Variants in PLXNA4 observed in about 807,000 individuals in gnomAD.
The protein encoded by PLXNA4 is plexin A4, also known as plexin-A4.
A neutral mutation model predicts 191.8 loss-of-function variants in PLXNA4; 44 were observed. The observed-to-expected ratio is 0.23, with a 90% CI of 0.18 to 0.29. The LOEUF (loss-of-function observed/expected upper bound fraction) is 0.29, where lower values mean the gene tolerates loss of function less well. Among genes scored for constraint, PLXNA4 ranks in the 10% least tolerant of loss-of-function variants. PLXNA4 has a pLI of 1.00. For missense variants in PLXNA4, 1,800 were observed against 2,488.8 expected (o/e 0.72, Z 5.89); for synonymous variants, 1,082 against 1,009.5 (o/e 1.07, Z -1.36).
chr7:132,261,208 G>A (rs1455168009), intron 4 of PLXNA4, among the ~76,000 whole-genome samples: 1 of 152,220 alleles, frequency 6.6e-6, no homozygotes, highest in Non-Finnish European at 1.5e-5. Context: ...ACCAGTACTG[G>A]GGCTGCTGCA....
chr7:132,479,276 A>G (rs1034529233), intron 3 of PLXNA4, among the ~76,000 whole-genome samples: 2 of 106,052 alleles, frequency 1.9e-5, no homozygotes, highest in African/African-American at 1.1e-4. Flanking sequence ...CTCTTTGGGA[A>G]AAAAAAAAAA....
intron 1 of PLXNA4, among the ~76,000 whole-genome samples, chr7:132,567,032 C>T (rs1039727068): frequency 1.3e-5 from 2 of 152,134 alleles, no homozygotes; most frequent in Non-Finnish European, 2.9e-5. Flanking sequence ...TCTATGGAAC[C>T]GTCTTTCCAG....
chr7:132,443,566 C>T (rs2117260076), intron 3 of PLXNA4, among the ~76,000 whole-genome samples: 1 of 152,322 alleles, frequency 6.6e-6, no homozygotes, highest in East Asian at 1.9e-4. Flanking sequence ...CTGGCACGTG[C>T]TCAGTCAATA....
chr7:132,606,202 A>T (rs1217194498), intron 2 of PLXNA4, among the ~76,000 whole-genome samples: 1 of 152,190 alleles, frequency 6.6e-6, no homozygotes, highest in Non-Finnish European at 1.5e-5. Context: ...GACAGCCACC[A>T]CCAGAGGCCA....
intron 28 of PLXNA4, 46 bp from the exon 29 acceptor site, chr7:132,145,334 C>A (rs375371456): frequency 1.6e-5 from 26 of 1,607,370 alleles, no homozygotes; most frequent in Non-Finnish European, 2.0e-5. Flanking sequence ...TCACGTAGTT[C>A]TGAGGATGGC....
chr7:132,513,519 C>T (rs896109251), intron 1 of PLXNA4, among the ~76,000 whole-genome samples: 2 of 152,178 alleles, frequency 1.3e-5, no homozygotes, highest in African/African-American at 4.8e-5. Flanking sequence ...TATTCCCTGG[C>T]CCCTTGGACA....
At chr7:132,298,360 G>A in intron 3 of PLXNA4, 138 bp from the exon 4 acceptor site, 1 of 1,192,584 alleles carries the variant, frequency 8.4e-7, no homozygotes, top group African/African-American at 1.5e-5. Flanking sequence ...CTAAAGCCAA[G>A]GAGTGGAGTG....
chr7:132,563,218 C>A (rs1182022196), intron 1 of PLXNA4, among the ~76,000 whole-genome samples: 4 of 105,170 alleles, frequency 3.8e-5, no homozygotes, highest in Admixed American at 9.3e-5. Context: ...CCTCCTCCTC[C>A]TTCTCCTCCT....
At chr7:132,562,930 CCCTCCTCCTCTCCCT>C (rs1554470233) in intron 1 of PLXNA4, among the ~76,000 whole-genome samples, 7 of 7,926 alleles carry the variant, frequency 8.8e-4, no homozygotes, top group South Asian at 3.8e-3. Context: ...CTCCTCCTCT[CCCTCCTCCTCTCCCT>C]CCTCCTCCTC....
chr7:132,189,216 G>A (rs1252359635), intron 14 of PLXNA4, among the ~76,000 whole-genome samples: 2 of 151,932 alleles, frequency 1.3e-5, no homozygotes, highest in Non-Finnish European at 1.5e-5. Flanking sequence ...CCCTGCAGGT[G>A]TTGCTGGGGC....
chr7:132,210,834 G>T (rs1372061188), intron 10 of PLXNA4, 109 bp downstream of exon 10: 12 of 1,225,498 alleles, frequency 9.8e-6, no homozygotes, highest in South Asian at 1.4e-5. Flanking sequence ...AGTTTTGTGC[G>T]TGTTGAGGAA....
At chr7:132,546,507 C>A (rs2116539025) in intron 1 of PLXNA4, among the ~76,000 whole-genome samples, 1 of 152,190 alleles carries the variant, frequency 6.6e-6, no homozygotes, top group East Asian at 1.9e-4. Flanking sequence ...ATCTGTGTGG[C>A]CAAAAACAGT....
In PLXNA4 at chr7:132,124,335, T is replaced by G. The variant is rs548374357; in HGVS notation, c.*6144A>C. The G allele has an allele frequency of 2.0e-5, 3 of 152,252 alleles. No homozygotes were observed. In the South Asian group the frequency reaches 6.2e-4, roughly 32 times the overall value. The allele number at this position is 152,252 out of a possible 1,614,324, so 9.4% of individuals were successfully genotyped here. On this transcript the variant is annotated 3_prime_UTR_variant, in exon 32 of 32. Coordinates refer to ENST00000321063, the MANE Select transcript of PLXNA4 (RefSeq NM_020911.2). Reference sequence around the variant, plus strand: ...GAGGACAGACAGATGAGCACGTGTATCCCATCTTCGTCCTGTGCCTGGATT... The same window carrying G: ...GAGGACAGACAGATGAGCACGTGTAGCCCATCTTCGTCCTGTGCCTGGATT...
chr7:132,536,684 G>T (rs996513591), intron 1 of PLXNA4, among the ~76,000 whole-genome samples: 4 of 152,176 alleles, frequency 2.6e-5, no homozygotes, highest in African/African-American at 9.7e-5. Flanking sequence ...GCAGAGAGAG[G>T]CTGGTAGGCT....
rs1253168712 is a variant in PLXNA4 at position 132,576,174 on chromosome 7, A to T, written c.-87+248T>A. Among the ~76,000 whole-genome samples the T allele has an allele frequency of 1.3e-5, 2 of 152,194 alleles. No individual in the cohort carries two copies. The highest frequency in any genetic ancestry group is 2.9e-5 in the Non-Finnish European group (2 of 68,034). ...AGAAGTCTGAGTCCAGGAGCGTGAG[A>T]GGAGAACACACCCGGGAAATCCCTG... On this transcript the variant is annotated intron_variant, in intron 1 of 31. Coordinates refer to ENST00000321063, the MANE Select transcript of PLXNA4 (RefSeq NM_020911.2). This position sits in a 1 kb window ranked among gnomAD's most constrained non-coding sequence, Gnocchi z 5.8.
chr7:132,585,107 G>A (rs1479013543), intron 2 of PLXNA4, among the ~76,000 whole-genome samples: 1 of 152,088 alleles, frequency 6.6e-6, no homozygotes, highest in Admixed American at 6.5e-5. Flanking sequence ...ATTTCCTAAA[G>A]ACCAGCCAGT....
Position 132,130,233 on chromosome 7 carries a change from G to T in PLXNA4, c.*246C>A. The T allele has an allele frequency of 2.0e-6, 1 of 498,808 alleles. No homozygotes were observed. Among genetic ancestry groups the T allele is most frequent in the East Asian group, 3.8e-5 (1 of 26,658 alleles). 30.9% of individuals were successfully genotyped at this position (498,808 alleles called of 1,614,324 possible). ...CTTCTGGTCAGCTCCCTTGCCATGGGCCTGGCCATTCTTGGACTAACTGAG... is the reference window on the plus strand; with the variant it reads ...CTTCTGGTCAGCTCCCTTGCCATGGTCCTGGCCATTCTTGGACTAACTGAG... On this transcript the variant is annotated 3_prime_UTR_variant, in exon 32 of 32. Coordinates refer to ENST00000321063, the MANE Select transcript of PLXNA4 (RefSeq NM_020911.2).
At chr7:132,384,799 G>A in intron 3 of PLXNA4, 1 of 1,120,534 alleles carries the variant, frequency 8.9e-7, no homozygotes, top group Non-Finnish European at 1.1e-6. Flanking sequence ...CACTGGCCAG[G>A]CGACTTGGCT....
chr7:132,256,469 G>A (rs1237060314), intron 4 of PLXNA4, among the ~76,000 whole-genome samples: 3 of 152,110 alleles, frequency 2.0e-5, no homozygotes, highest in East Asian at 1.9e-4. Context: ...CCATGCCACC[G>A]TTTGCTGAGT....
Sources: allele counts gnomAD v4.1 joint callset (sites outside exome capture counted in the v4.1 genomes callset), GRCh38; gene constraint gnomAD v4.1.1; non-coding constraint Gnocchi (gnomAD v3.1); transcripts MANE v1.5; gene names NCBI Gene and HGNC (gene_info 2026-07-23, HGNC 2026-07-21).